ARHGAP42: variants seen among roughly 807,000 people sequenced by gnomAD.
ARHGAP42 encodes rho GTPase-activating protein 42.
A neutral mutation model predicts 125.0 loss-of-function variants in ARHGAP42; 63 were observed. The ratio of observed to expected loss-of-function variants is 0.50; its 90% CI spans 0.41 to 0.62. The LOEUF is 0.62. Ranked by LOEUF, ARHGAP42 falls within the 20% of genes least tolerant of loss-of-function variation. ARHGAP42 has a pLI of 0.00. For missense variants in ARHGAP42, 766 were observed against 1,024.2 expected (o/e 0.75, Z 3.44); for synonymous variants, 339 against 351.0 (o/e 0.97, Z 0.38).
At chr11:100,693,117 C>T (rs1180407625) in intron 1 of ARHGAP42, among the ~76,000 whole-genome samples, 4 of 151,262 alleles carry the variant, frequency 2.6e-5, no homozygotes, top group African/African-American at 9.7e-5. Flanking sequence ...GTAAGAACTG[C>T]CATTGTTTTA....
At chr11:100,875,070 A>ACGGTCTCTCT (rs1865779454) in intron 4 of ARHGAP42, among the ~76,000 whole-genome samples, 1 of 65,512 alleles carries the variant, frequency 1.5e-5, no homozygotes, top group African/African-American at 5.8e-5. Context: ...AATCTAATCC[A>ACGGTCTCTCT]CTGTCTCTCT....
chr11:100,779,281 T>C (rs1255671556), intron 2 of ARHGAP42, among the ~76,000 whole-genome samples: 1 of 151,022 alleles, frequency 6.6e-6, no homozygotes, highest in Non-Finnish European at 1.5e-5. Context: ...ACCCCATCTC[T>C]ACTAAAAATA....
chr11:100,821,047 G>A (rs1864394455), intron 3 of ARHGAP42, among the ~76,000 whole-genome samples: 1 of 151,826 alleles, frequency 6.6e-6, no homozygotes, highest in South Asian at 2.1e-4. Context: ...ATCTGACTTA[G>A]CCTTGGAGGA....
chr11:100,800,074 G>A lies in ARHGAP42; in HGVS notation c.312+4908G>A, dbSNP rs148955574. Among the ~76,000 whole-genome samples the A allele has an allele frequency of 8.5e-3, 1,289 of 152,314 alleles. 11 individuals are homozygous for A. Among genetic ancestry groups the A allele is most frequent in the Middle Eastern group, 0.02 (6 of 294 alleles). ...AAGTTAGCCATCATAAGTCTGTTAA[G>A]GATAGACTAGTTACTATGTTTTTGT... On this transcript the variant is annotated intron_variant, in intron 3 of 23. Coordinates refer to ENST00000298815, the MANE Select transcript of ARHGAP42 (RefSeq NM_152432.4).
At position 100,941,873 on chromosome 11, in the gene ARHGAP42, A is replaced by T. The variant is rs1867895901; in HGVS notation, c.922A>T (p.Ser308Cys). 1 of 1,531,918 alleles carries T rather than the reference A, an allele frequency of 6.5e-7. No individual in the cohort carries two copies. Among genetic ancestry groups the T allele is most frequent in the African/African-American group, 1.4e-5 (1 of 71,942 alleles). The allele number at this position is 1,531,918 out of a possible 1,614,324, so 94.9% of individuals were successfully genotyped here. A position where few individuals can be genotyped will look rare whatever the true frequency, so the allele number is the denominator to read the frequency against. The change falls in exon 9 of 24, where the codon AGT becomes TGT. Residue 308 changes from serine to cysteine, a missense_variant. Physicochemically the swap from Ser to Cys is moderately radical, Grantham distance 112. Transcript: ENST00000298815. ...FTMSVSEMKS[S>C]GKMNGLVTSS... is the part of the protein sequence containing the mutation. ...AATGAGTGTTTCAGAAATGAAATCC[A>T]GTGGGAAAATGGTGAGTTAGTTTTG...
intron 4 of ARHGAP42, among the ~76,000 whole-genome samples, chr11:100,873,564 G>T (rs1231687803): frequency 6.6e-6 from 1 of 152,146 alleles, no homozygotes; most frequent in African/African-American, 2.4e-5. Flanking sequence ...GCCAGCTGGG[G>T]TAGAATAATG....
At chr11:100,907,707 A>G (rs1004467914) in intron 4 of ARHGAP42, among the ~76,000 whole-genome samples, 6 of 152,176 alleles carry the variant, frequency 3.9e-5, no homozygotes, top group African/African-American at 1.4e-4. Flanking sequence ...CCTTCTGGGA[A>G]TCAGAGGTGG....
chr11:100,928,398 C>G lies in ARHGAP42; in HGVS notation c.598-4758C>G, dbSNP rs140557908. On this transcript the variant is annotated intron_variant, in intron 6 of 23. Coordinates refer to ENST00000298815, the MANE Select transcript of ARHGAP42 (RefSeq NM_152432.4). ...ATTGTTTGAGCCCAGGAGTTCAAAACCAGTCTTTGCAACATGGCAAAACCC... is the reference window on the plus strand; with the variant it reads ...ATTGTTTGAGCCCAGGAGTTCAAAAGCAGTCTTTGCAACATGGCAAAACCC... Among the ~76,000 whole-genome samples, 107 of 152,154 alleles carry G rather than the reference C, an allele frequency of 7.0e-4. 1 individual carries two copies. The highest frequency in any genetic ancestry group is 6.4e-3 in the East Asian group (33 of 5,188).
chr11:100,695,896 A>T (rs1365961679), intron 1 of ARHGAP42, among the ~76,000 whole-genome samples: 1 of 152,154 alleles, frequency 6.6e-6, no homozygotes, highest in Non-Finnish European at 1.5e-5. Context: ...CTCTAATTTA[A>T]TTTTTACATG....
chr11:100,724,995 C>T (rs1032459395), intron 1 of ARHGAP42, among the ~76,000 whole-genome samples: 2 of 148,716 alleles, frequency 1.3e-5, no homozygotes, highest in Non-Finnish European at 3.0e-5. Flanking sequence ...TTTTGTTACA[C>T]CCCAAAATTT....
intron 3 of ARHGAP42, among the ~76,000 whole-genome samples, chr11:100,842,686 A>C (rs557797447): frequency 2.0e-5 from 3 of 152,252 alleles, no homozygotes; most frequent in African/African-American, 7.2e-5. Flanking sequence ...CCATGCAAAT[A>C]AATGGAAATT....
intron 3 of ARHGAP42, among the ~76,000 whole-genome samples, chr11:100,813,653 A>C (rs185089504): frequency 6.6e-6 from 1 of 152,318 alleles, no homozygotes; most frequent in Admixed American, 6.5e-5. Flanking sequence ...CATGTGGTTA[A>C]CAATAGTTAT....
At chr11:100,962,864 G>A (rs536231577) in intron 16 of ARHGAP42, among the ~76,000 whole-genome samples, 159 of 152,112 alleles carry the variant, frequency 1.0e-3, no homozygotes, top group African/African-American at 3.6e-3. Flanking sequence ...CAACAAGAGC[G>A]AAACTCCATC....
chr11:100,942,355 A>G (rs899499689), intron 9 of ARHGAP42, among the ~76,000 whole-genome samples: 4 of 152,178 alleles, frequency 2.6e-5, no homozygotes, highest in African/African-American at 9.7e-5. Flanking sequence ...TTCTCAGAAG[A>G]ACCCAATAGA....
chr11:100,947,125 G>A (rs144366259), intron 10 of ARHGAP42, among the ~76,000 whole-genome samples: 1 of 152,042 alleles, frequency 6.6e-6, no homozygotes, highest in Non-Finnish European at 1.5e-5. Flanking sequence ...TTCAATGGGT[G>A]TGGAATTAAC....
intron 18 of ARHGAP42, among the ~76,000 whole-genome samples, chr11:100,973,738 C>T (rs1858316038): frequency 6.6e-6 from 1 of 151,876 alleles, no homozygotes; most frequent in African/African-American, 2.4e-5. Flanking sequence ...ATATCTAGTC[C>T]CTAAGAAGGA....
chr11:100,841,039 C>T (rs1215706130), intron 3 of ARHGAP42, among the ~76,000 whole-genome samples: 2 of 152,102 alleles, frequency 1.3e-5, no homozygotes, highest in Non-Finnish European at 2.9e-5. Context: ...ATGTGAAGAA[C>T]AGATTCATTT....
intron 1 of ARHGAP42, among the ~76,000 whole-genome samples, chr11:100,704,706 C>T (rs1296843446): frequency 6.6e-6 from 1 of 151,282 alleles, no homozygotes; most frequent in Non-Finnish European, 1.5e-5. Flanking sequence ...TGCCTGTAAT[C>T]CCAGCACTTT....
intron 3 of ARHGAP42, among the ~76,000 whole-genome samples, chr11:100,831,427 G>T (rs569109899): frequency 6.6e-6 from 1 of 152,120 alleles, no homozygotes; most frequent in Non-Finnish European, 1.5e-5. Flanking sequence ...CATCCACATC[G>T]TTAGGATATT....
Sources: allele counts gnomAD v4.1 joint callset (sites outside exome capture counted in the v4.1 genomes callset), GRCh38; gene constraint gnomAD v4.1.1; transcripts MANE v1.5; gene names NCBI Gene and HGNC (gene_info 2026-07-23, HGNC 2026-07-21).